The following ALPK2 variants were observed in gnomAD, a reference collection of about 807,000 sequenced individuals.
ALPK2 encodes alpha kinase 2, also known as alpha-protein kinase 2.
In ALPK2, 127 loss-of-function variants were observed where a neutral mutation model predicts 163.1. The ratio of observed to expected loss-of-function variants is 0.78; its 90% CI spans 0.67 to 0.90. The LOEUF is 0.90. Ranked by LOEUF, ALPK2 falls within the 40% of genes least tolerant of loss-of-function variation. The pLI is 0.00. For missense variants in ALPK2, 2,360 were observed against 2,589.6 expected (o/e 0.91, Z 1.92); for synonymous variants, 953 against 959.1 (o/e 0.99, Z 0.12).
rs917016690 is a variant in ALPK2, at chr18:58,628,962, G to A, written c.-219C>T. ...CCAGAAAGTTCATCTCTTCCTAAGA[G>A]GGGAAATTCCATGCCCGGGGAAGTT... On this transcript the variant is annotated 5_prime_UTR_variant, in exon 1 of 13. Transcript: ENST00000361673. The A allele has an allele frequency of 6.6e-6, 1 of 152,232 alleles. No homozygotes were observed. The highest frequency in any genetic ancestry group is 2.4e-5 in the African/African-American group (1 of 41,444). The allele number at this position is 152,232 out of a possible 1,614,324, so 9.4% of individuals were successfully genotyped here.
chr18:58,582,169 T>C (rs1489882488), intron 3 of ALPK2, among the ~76,000 whole-genome samples: 1 of 152,150 alleles, frequency 6.6e-6, no homozygotes, highest in Non-Finnish European at 1.5e-5. Context: ...TAGAATAAAA[T>C]TTAAGGCAAC....
At chr18:58,505,496 T>C (rs1273850642) in intron 10 of ALPK2, among the ~76,000 whole-genome samples, 2 of 152,110 alleles carry the variant, frequency 1.3e-5, no homozygotes, top group Non-Finnish European at 2.9e-5. Context: ...CCACCTCCTC[T>C]ACAGGTGCCC....
chr18:58,532,905 TA>T lies in ALPK2; in HGVS notation c.5353+1928del, dbSNP rs201678036. ...CCCAAGCAATATAACTCCTAATCTATACCCTAACCACCATGATACAACTTGC... is the reference window on the plus strand; with the variant it reads ...CCCAAGCAATATAACTCCTAATCTATCCCTAACCACCATGATACAACTTGC... On this transcript the variant is annotated intron_variant, in intron 5 of 12. Coordinates refer to ENST00000361673, the MANE Select transcript of ALPK2 (RefSeq NM_052947.4). Among the ~76,000 whole-genome samples, 144 of 152,294 alleles carry T rather than the reference TA, an allele frequency of 9.5e-4. 7 individuals carry two copies. The East Asian group carries it at 0.025, about 26-fold the overall frequency.
chr18:58,557,127 A>G (rs2051797126), intron 4 of ALPK2: 1 of 152,312 alleles, frequency 6.6e-6, no homozygotes, highest in Non-Finnish European at 1.5e-5. Context: ...CCAGGATGCC[A>G]ACTGGGACAC....
chr18:58,529,034 A>G (rs535524969), intron 6 of ALPK2, 57 bp downstream of exon 6: 8 of 1,603,566 alleles, frequency 5.0e-6, no homozygotes, highest in African/African-American at 2.7e-5. Flanking sequence ...TTTTACAACC[A>G]TGTTGTGAAA....
chr18:58,607,542 G>A, intron 2 of ALPK2, 103 bp from the exon 3 acceptor site: 1 of 663,620 alleles, frequency 1.5e-6, no homozygotes, highest in South Asian at 2.1e-5. Flanking sequence ...AAGCAACAGG[G>A]ATGAGGATGA....
chr18:58,554,690 C>T (rs1462494643), intron 4 of ALPK2, among the ~76,000 whole-genome samples: 3 of 152,206 alleles, frequency 2.0e-5, no homozygotes, highest in African/African-American at 7.2e-5. Flanking sequence ...TCCCTTTTCT[C>T]AGGTCTGGAG....
chr18:58,611,624 T>G, intron 2 of ALPK2, 65 bp downstream of exon 2: 76 of 1,433,670 alleles, frequency 5.3e-5, no homozygotes, highest in Non-Finnish European at 6.8e-5. Flanking sequence ...AATGCCTTTG[T>G]GAGCCAAGAA....
rs914658838 is a variant in ALPK2, at chr18:58,497,695, A to G, written c.6296+354T>C. Among the ~76,000 whole-genome samples the G allele has an allele frequency of 5.3e-5, 8 of 152,328 alleles. No individual in the cohort carries two copies. In the East Asian group the frequency reaches 1.5e-3, roughly 29 times the overall value. ...TTGCAAAAAAAATTTTTTTTCAAAG[A>G]AGCTTTTAATAGTGAAGATATTAAA... On this transcript the variant is annotated intron_variant, in intron 12 of 12. Coordinates refer to ENST00000361673, the MANE Select transcript of ALPK2 (RefSeq NM_052947.4).
At chr18:58,562,218 A>G (rs971700539) in intron 4 of ALPK2, among the ~76,000 whole-genome samples, 4 of 152,234 alleles carry the variant, frequency 2.6e-5, no homozygotes, top group Admixed American at 2.6e-4. Flanking sequence ...CTTGGAACAC[A>G]CAAATATTCA....
intron 11 of ALPK2, among the ~76,000 whole-genome samples, chr18:58,499,749 C>T (rs1275725957): frequency 2.6e-5 from 4 of 152,230 alleles, no homozygotes; most frequent in Admixed American, 6.5e-5. Context: ...CTCCATGGGC[C>T]GGGCTGTGAG....
chr18:58,508,152 T>G (rs773629588), intron 10 of ALPK2, among the ~76,000 whole-genome samples: 22 of 152,136 alleles, frequency 1.4e-4, no homozygotes, highest in Non-Finnish European at 3.2e-4. Flanking sequence ...TCTCCCTGAT[T>G]CCATCCCTGA....
At chr18:58,543,063 G>A (rs1184200809) in intron 4 of ALPK2, among the ~76,000 whole-genome samples, 1 of 152,170 alleles carries the variant, frequency 6.6e-6, no homozygotes, top group Non-Finnish European at 1.5e-5. Context: ...TGGGCTGAAG[G>A]ATTGATACGT....
At chr18:58,503,460 T>C (rs1414470993) in intron 11 of ALPK2, among the ~76,000 whole-genome samples, 1 of 152,056 alleles carries the variant, frequency 6.6e-6, no homozygotes, top group African/African-American at 2.4e-5. Context: ...TGGAGGCCAG[T>C]GTGGGAGGAT....
At chr18:58,593,260 A>G (rs774011828) in intron 3 of ALPK2, among the ~76,000 whole-genome samples, 8 of 152,208 alleles carry the variant, frequency 5.3e-5, no homozygotes, top group Non-Finnish European at 8.8e-5. Context: ...CTAAAATTAA[A>G]GTCTATTTAA....
chr18:58,543,647 C>T (rs891693968), intron 4 of ALPK2, among the ~76,000 whole-genome samples: 24 of 152,156 alleles, frequency 1.6e-4, no homozygotes, highest in African/African-American at 5.3e-4. Flanking sequence ...GTGCCTTCTG[C>T]TGAGAAAGCG....
At chr18:58,577,409 T>C (rs987389799) in intron 4 of ALPK2, among the ~76,000 whole-genome samples, 8 of 152,210 alleles carry the variant, frequency 5.3e-5, no homozygotes, top group African/African-American at 1.9e-4. Flanking sequence ...GTGAAACACT[T>C]TGAGTGGATA....
rs79057499 is a variant in ALPK2 at position 58,529,552 on chromosome 18, A to G, written c.5354-314T>C. ...GGAGGATTTTAGATATCTATTCTAT[A>G]GGATCTCATCCAAATAAAGATGTTT... is the stretch of plus-strand genomic sequence containing the variant. On this transcript the variant is annotated intron_variant, in intron 5 of 12. Coordinates refer to ENST00000361673, the MANE Select transcript of ALPK2 (RefSeq NM_052947.4). Among the ~76,000 whole-genome samples, 1,075 of 152,326 alleles carry G rather than the reference A, an allele frequency of 7.1e-3. 20 individuals carry two copies. Among genetic ancestry groups the G allele is most frequent in the African/African-American group, 0.024 (994 of 41,574 alleles).
intron 10 of ALPK2, among the ~76,000 whole-genome samples, 174 bp from the exon 11 acceptor site, chr18:58,504,322 G>A (rs1174221298): frequency 6.6e-6 from 1 of 152,172 alleles, no homozygotes; most frequent in Non-Finnish European, 1.5e-5. Flanking sequence ...ATGTTTCTGT[G>A]TTTTATTTGT....
Sources: gnomAD v4.1 joint callset for allele counts (sites outside exome capture counted in the v4.1 genomes callset) on GRCh38, gnomAD v4.1.1 for gene constraint, MANE v1.5 for transcripts, NCBI Gene and HGNC (gene_info 2026-07-23, HGNC 2026-07-21) for gene names.